MIS18A: variants seen among roughly 807,000 people sequenced by gnomAD.
MIS18A encodes protein Mis18-alpha.
MIS18A carries 14 observed loss-of-function variants against 25.0 expected under a neutral mutation model. The observed-to-expected ratio is 0.56, with a 90% CI of 0.37 to 0.88. The LOEUF is 0.88. MIS18A is among the 40% of genes least tolerant of loss of function. The pLI is 0.00. For missense variants in MIS18A, 292 were observed against 290.8 expected, an observed-to-expected ratio of 1.00 and a Z score of -0.03; for synonymous variants, 134 against 118.6, an observed-to-expected ratio of 1.13 and a Z score of -0.84.
the MIS18A span, among the ~76,000 whole-genome samples, chr21:32,176,019 C>T: frequency 6.6e-6 from 1 of 152,106 alleles, no homozygotes. Flanking sequence ...ACATTTCACC[C>T]CACTGGCAGG....
At chr21:32,259,912 G>A in the MIS18A span, 2 of 152,198 alleles carry the variant, frequency 1.3e-5, no homozygotes, top group Non-Finnish European at 2.9e-5. Context: ...AATTACACAT[G>A]TAAATGAGCT....
rs536393436 is a variant in MIS18A at position 32,268,339 on chromosome 21, G to A, written c.*698C>T. On this transcript the variant is annotated 3_prime_UTR_variant, in exon 5 of 5. Transcript: ENST00000290130. Reference sequence around the variant, plus strand: ...CCCCAGAATCCCACCCTCAGAGATGGTTACTCCTCTTTGGTAAGTATTCCT... The same window carrying A: ...CCCCAGAATCCCACCCTCAGAGATGATTACTCCTCTTTGGTAAGTATTCCT... The A allele has an allele frequency of 1.3e-5, 2 of 152,150 alleles. No homozygotes were observed. Among genetic ancestry groups the A allele is most frequent in the South Asian group, 2.1e-4 (1 of 4,824 alleles). 9.4% of individuals were successfully genotyped at this position (152,150 alleles called of 1,614,324 possible).
chr21:32,270,616 A>C (rs975200920), intron 2 of MIS18A, 87 bp from the exon 3 acceptor site: 19 of 1,383,876 alleles, frequency 1.4e-5, no homozygotes, highest in Non-Finnish European at 1.7e-5. Context: ...TAAACACCTC[A>C]GTTTCTCAAG....
At chr21:32,251,650 C>T in the MIS18A span, among the ~76,000 whole-genome samples, 71 of 152,172 alleles carry the variant, frequency 4.7e-4, no homozygotes, top group East Asian at 0.011. Flanking sequence ...AAAATATGTC[C>T]CTCCCTCTAT....
the MIS18A span, among the ~76,000 whole-genome samples, chr21:32,246,523 G>A: frequency 6.6e-6 from 1 of 152,128 alleles, no homozygotes. Flanking sequence ...TCAAGAAGAG[G>A]TTCCATGTGT....
the MIS18A span, among the ~76,000 whole-genome samples, chr21:32,175,267 T>C: frequency 0.022 from 3,389 of 152,254 alleles, 63 homozygotes; most frequent in Non-Finnish European, 0.034. Context: ...ATATGGCACT[T>C]ACCATGCCTG....
the MIS18A span, among the ~76,000 whole-genome samples, chr21:32,214,914 T>C: frequency 6.6e-6 from 1 of 152,168 alleles, no homozygotes; most frequent in Non-Finnish European, 1.5e-5. Context: ...GTAAGTCCAG[T>C]GTGAGTCAAG....
At chr21:32,258,875 T>TTAC in the MIS18A span, among the ~76,000 whole-genome samples, 3 of 101,162 alleles carry the variant, frequency 3.0e-5, no homozygotes, top group African/African-American at 7.5e-5. Context: ...TATTTATTTA[T>TTAC]TTACTTACTT....
At chr21:32,205,935 C>T in the MIS18A span, among the ~76,000 whole-genome samples, 26 of 152,282 alleles carry the variant, frequency 1.7e-4, no homozygotes, top group African/African-American at 6.0e-4. Flanking sequence ...GAGACCCCCC[C>T]CATTCCAGTC....
In MIS18A at chr21:32,270,545, G is replaced by A. The variant is rs1384653048; in HGVS notation, c.402-16C>T. The A allele has an allele frequency of 6.6e-7, 1 of 1,518,764 alleles. No homozygotes were observed. Among genetic ancestry groups the A allele is most frequent in the Non-Finnish European group, 8.8e-7 (1 of 1,135,214 alleles). 94.1% of individuals were successfully genotyped at this position (1,518,764 alleles called of 1,614,324 possible). A position where few individuals can be genotyped will look rare whatever the true frequency, so the allele number is the denominator to read the frequency against. Reference sequence around the variant, plus strand: ...CTCAAGGACGCTGCAATAAAGAAATGTCTTGCTTTAGGAAACGAAGCAGCA... The same window carrying A: ...CTCAAGGACGCTGCAATAAAGAAATATCTTGCTTTAGGAAACGAAGCAGCA... On this transcript the variant is annotated splice_polypyrimidine_tract_variant and intron_variant, in intron 2 of 4. Coordinates refer to ENST00000290130, the MANE Select transcript of MIS18A (RefSeq NM_018944.3).
chr21:32,167,082 C>T, the MIS18A span, among the ~76,000 whole-genome samples: 1 of 152,268 alleles, frequency 6.6e-6, no homozygotes, highest in East Asian at 1.9e-4. Flanking sequence ...AAGAAATTTC[C>T]AAGTTCTCAA....
At chr21:32,187,843 T>C in the MIS18A span, among the ~76,000 whole-genome samples, 1 of 152,200 alleles carries the variant, frequency 6.6e-6, no homozygotes, top group Admixed American at 6.5e-5. Context: ...ATGGACTGAA[T>C]GCCCCAAAAT....
chr21:32,159,624 C>G, the MIS18A span, among the ~76,000 whole-genome samples: 1 of 152,190 alleles, frequency 6.6e-6, no homozygotes, highest in Non-Finnish European at 1.5e-5. Flanking sequence ...GGCCTGAGAA[C>G]ATGTACCCAA....
At chr21:32,255,577 A>T in the MIS18A span, among the ~76,000 whole-genome samples, 75 of 147,754 alleles carry the variant, frequency 5.1e-4, 1 homozygote, top group Middle Eastern at 0.014. Context: ...CAGCAGGAAG[A>T]CCCATCTAGT....
the MIS18A span, among the ~76,000 whole-genome samples, chr21:32,253,523 G>C: frequency 6.6e-6 from 1 of 151,960 alleles, no homozygotes; most frequent in Non-Finnish European, 1.5e-5. Context: ...TCTGTCTCTG[G>C]GGCTGGACAG....
chr21:32,164,355 C>T, the MIS18A span, among the ~76,000 whole-genome samples: 3 of 152,144 alleles, frequency 2.0e-5, no homozygotes, highest in Non-Finnish European at 2.9e-5. Context: ...CAATTACCGG[C>T]GTGAGAGTAC....
At chr21:32,194,379 G>A in the MIS18A span, among the ~76,000 whole-genome samples, 3 of 152,074 alleles carry the variant, frequency 2.0e-5, no homozygotes, top group African/African-American at 7.2e-5. Flanking sequence ...ATAGATATAG[G>A]CCAGGCATGG....
chr21:32,239,957 C>G, the MIS18A span, among the ~76,000 whole-genome samples: 4 of 152,224 alleles, frequency 2.6e-5, no homozygotes, highest in Admixed American at 2.6e-4. Flanking sequence ...TCCTGAACCA[C>G]AGACATCTTT....
chr21:32,231,554 G>A, the MIS18A span, among the ~76,000 whole-genome samples: 1 of 152,158 alleles, frequency 6.6e-6, no homozygotes, highest in African/African-American at 2.4e-5. Context: ...TGGCAAGGAT[G>A]TGGAGAAATT....
Sources: allele counts gnomAD v4.1 joint callset (sites outside exome capture counted in the v4.1 genomes callset), GRCh38; gene constraint gnomAD v4.1.1; transcripts MANE v1.5; gene names NCBI Gene and HGNC (gene_info 2026-07-23, HGNC 2026-07-21).